SYT13: variants seen among roughly 807,000 people sequenced by gnomAD.
SYT13 encodes the protein synaptotagmin-13.
A neutral mutation model predicts 38.6 loss-of-function variants in SYT13; 21 were observed. The observed-to-expected ratio is 0.54, with a 90% CI of 0.39 to 0.78. The LOEUF (loss-of-function observed/expected upper bound fraction) is 0.78. Among genes scored for constraint, SYT13 ranks in the 30% least tolerant of loss-of-function variants. SYT13 has a pLI of 0.00. For missense variants in SYT13, 495 were observed against 548.7 expected (o/e 0.90, Z 0.98); for synonymous variants, 241 against 237.6 (o/e 1.01, Z -0.13).
chr11:45,285,953 C>G lies in SYT13; in HGVS notation c.183+72G>C, dbSNP rs1855129735. ...CAAAGATCCACGACCGCCTCCCACC[C>G]CAGTTCCCCCTCTGCAGCTGCCCGG... On this transcript the variant is annotated intron_variant, in intron 1 of 5. Transcript: ENST00000020926. 4 of 1,550,376 alleles carry G rather than the reference C, an allele frequency of 2.6e-6. No individual in the cohort carries two copies. In the East Asian group the frequency reaches 7.0e-5, roughly 27 times the overall value.
At chr11:45,281,779 G>A (rs1306889771) in intron 1 of SYT13, among the ~76,000 whole-genome samples, 1 of 152,206 alleles carries the variant, frequency 6.6e-6, no homozygotes, top group East Asian at 1.9e-4. Flanking sequence ...TCACCCAGGG[G>A]ACCTCTCTGG....
chr11:45,272,418 G>A (rs755410375), intron 1 of SYT13, among the ~76,000 whole-genome samples: 5 of 152,152 alleles, frequency 3.3e-5, no homozygotes, highest in Non-Finnish European at 7.3e-5. Context: ...CCATGTTTGG[G>A]CGACAAAGTG....
chr11:45,263,032 T>C (rs912921615), intron 1 of SYT13, among the ~76,000 whole-genome samples: 10 of 152,116 alleles, frequency 6.6e-5, no homozygotes, highest in Admixed American at 5.2e-4. Flanking sequence ...AATGCCCCTG[T>C]GCTTGTCCTC....
intron 4 of SYT13, 21 bp from the exon 5 acceptor site, chr11:45,246,533 C>A: frequency 6.2e-7 from 1 of 1,612,478 alleles, no homozygotes; most frequent in Non-Finnish European, 8.5e-7. Context: ...AAAGGAGATG[C>A]AGGAGGGGAG....
chr11:45,270,177 G>A (rs191507015), intron 1 of SYT13, among the ~76,000 whole-genome samples: 2 of 152,174 alleles, frequency 1.3e-5, no homozygotes, highest in Admixed American at 1.3e-4. Flanking sequence ...TGGTTTACTA[G>A]GGGCTCACAT....
chr11:45,272,025 A>G (rs914606280), intron 1 of SYT13, among the ~76,000 whole-genome samples: 2 of 152,200 alleles, frequency 1.3e-5, no homozygotes, highest in Non-Finnish European at 2.9e-5. Flanking sequence ...TAAAAAAGGA[A>G]TGAGATCATG....
chr11:45,246,334 A>G lies in SYT13; in HGVS notation c.976+49T>C, dbSNP rs368457509. ...CCAGGCACCACCTCCCTCAGCACAC[A>G]CTCCCGGTAGCTGGAGGGGCCTTGG... On this transcript the variant is annotated intron_variant, in intron 5 of 5. Coordinates refer to ENST00000020926, the MANE Select transcript of SYT13 (RefSeq NM_020826.3). 34 of 1,600,580 alleles carry G rather than the reference A, an allele frequency of 2.1e-5. No individual in the cohort carries two copies. In the East Asian group the frequency reaches 2.5e-4, roughly 12 times the overall value.
intron 4 of SYT13, among the ~76,000 whole-genome samples, 159 bp from the exon 5 acceptor site, chr11:45,246,671 G>A (rs1205571576): frequency 6.6e-6 from 1 of 152,186 alleles, no homozygotes; most frequent in Non-Finnish European, 1.5e-5. Context: ...TTGCAGAAGA[G>A]AGCAAGGCAC....
Position 45,286,043 on chromosome 11 carries a change from C to T in SYT13, c.165G>A (p.Leu55=), listed in dbSNP as rs1432626745. The T allele has an allele frequency of 1.2e-6, 2 of 1,608,784 alleles. No homozygotes were observed. The highest frequency in any genetic ancestry group is 2.7e-5 in the African/African-American group (2 of 74,934). ...DPDLEKAKPS[L]LGSAQQFNVK... ...CGCTCACCTGTTGTGCAGACCCGAG[C>T]AAGCTGGGCTTCGCCTTCTCCAGGT... Residue 55 remains leucine, a synonymous_variant, in exon 1 of 6, where the codon TTG becomes TTA. Transcript: ENST00000020926.
chr11:45,286,272 T>C lies in SYT13; in HGVS notation c.-65A>G. The C allele has an allele frequency of 6.9e-7, 1 of 1,446,760 alleles. No homozygotes were observed. 89.6% of individuals were successfully genotyped at this position (1,446,760 alleles called of 1,614,324 possible). A position where few individuals can be genotyped will look rare whatever the true frequency, so the allele number is the denominator to read the frequency against. On this transcript the variant is annotated 5_prime_UTR_variant, in exon 1 of 6. Coordinates refer to ENST00000020926, the MANE Select transcript of SYT13 (RefSeq NM_020826.3). ...TCACCTTCCCCGGGCCGGGCCCGCC[T>C]CCAGGCAGCTCCCGGGATCCGGGCG...
chr11:45,255,438 G>A (rs1384563301), intron 2 of SYT13, among the ~76,000 whole-genome samples: 1 of 152,176 alleles, frequency 6.6e-6, no homozygotes, highest in South Asian at 2.1e-4. Flanking sequence ...ACTAGAAAGG[G>A]ACTCCATTTT....
At chr11:45,277,537 C>T (rs1030137585) in intron 1 of SYT13, among the ~76,000 whole-genome samples, 1 of 152,130 alleles carries the variant, frequency 6.6e-6, no homozygotes, top group Admixed American at 6.5e-5. Context: ...CATCCAGGCC[C>T]CTTCCTATTT....
intron 2 of SYT13, 146 bp downstream of exon 2, chr11:45,255,520 C>T (rs1475255656): frequency 4.2e-6 from 3 of 716,922 alleles, no homozygotes; most frequent in African/African-American, 3.6e-5. Flanking sequence ...GACCATAATT[C>T]TGAGGCCCAG....
chr11:45,252,509 C>T lies in SYT13; in HGVS notation c.758G>A (p.Ser253Asn). The change falls in exon 4 of 6, where the codon AGC becomes AAC. Residue 253 changes from serine (S) to asparagine (N), a missense_variant. Ser to Asn is a conservative substitution (Grantham distance 46). Transcript: ENST00000020926. The surrounding 1 kb of genome is among the most constrained non-coding windows in gnomAD (Gnocchi z 4.3). The part of the protein sequence containing the change: ...LRTCDRFSRH[S>N]VAGELRLGLD... ...GCCCAGGCGGAGCTCCCCGGCCACGCTGTGACGGGAGAAGCGGTCGCAGGT... is the reference window on the plus strand; with the variant it reads ...GCCCAGGCGGAGCTCCCCGGCCACGTTGTGACGGGAGAAGCGGTCGCAGGT... The T allele has an allele frequency of 6.2e-7, 1 of 1,614,002 alleles. No homozygotes were observed. The highest frequency in any genetic ancestry group is 1.1e-5 in the South Asian group (1 of 91,078).
Position 45,286,338 on chromosome 11 carries a change from G to T in SYT13, c.-131C>A. 1.8e-6 allele frequency: 2 copies of T among 1,139,382 alleles called. No homozygotes were observed. The highest frequency in any genetic ancestry group is 3.3e-5 in the South Asian group (2 of 60,092). The allele number at this position is 1,139,382 out of a possible 1,614,324, so 70.6% of individuals were successfully genotyped here. On this transcript the variant is annotated 5_prime_UTR_variant, in exon 1 of 6. Transcript: ENST00000020926. ...CGCCGCCAGAGGGGCGGGGACGGAG[G>T]GAGGGAGGACGGCTGCGAGGACGTC...
In SYT13 at chr11:45,246,528, A is replaced by G. The variant is rs567173980; in HGVS notation, c.847-16T>C. The G allele has an allele frequency of 1.9e-6, 3 of 1,613,254 alleles. No individual in the cohort carries two copies. In the East Asian group the frequency reaches 6.7e-5, roughly 36 times the overall value. Reference sequence around the variant, plus strand: ...CAGATGGCTCCTGAAACAGAAAAGGAGATGCAGGAGGGGAGTCTCACCTGG... The same window carrying G: ...CAGATGGCTCCTGAAACAGAAAAGGGGATGCAGGAGGGGAGTCTCACCTGG... On this transcript the variant is annotated splice_polypyrimidine_tract_variant and intron_variant, in intron 4 of 5. Transcript: ENST00000020926.
intron 1 of SYT13, among the ~76,000 whole-genome samples, chr11:45,260,884 C>A (rs911958539): frequency 6.6e-6 from 1 of 152,182 alleles, no homozygotes; most frequent in African/African-American, 2.4e-5. Context: ...TCACACTGGG[C>A]TCAAGCCATG....
chr11:45,262,553 C>T (rs1183537340), intron 1 of SYT13, among the ~76,000 whole-genome samples: 1 of 151,982 alleles, frequency 6.6e-6, no homozygotes, highest in African/African-American at 2.4e-5. Flanking sequence ...TAGTGAGACC[C>T]CATTTCTACA....
rs985173464 is a variant in SYT13, at chr11:45,243,497, C to T, written c.*555G>A. ...AAAAGGAAGGCTCCTGGGCTTCGAC[C>T]AGGAATACCGACTAGGAATGTCTCC... On this transcript the variant is annotated 3_prime_UTR_variant, in exon 6 of 6. Transcript: ENST00000020926. 28 of 152,410 alleles carry T rather than the reference C, an allele frequency of 1.8e-4. No homozygotes were observed. Among genetic ancestry groups the T allele is most frequent in the African/African-American group, 6.8e-4 (28 of 41,428 alleles). 9.4% of individuals were successfully genotyped at this position (152,410 alleles called of 1,614,324 possible). A position where few individuals can be genotyped will look rare whatever the true frequency, so the allele number is the denominator to read the frequency against.
Sources: gnomAD v4.1 joint callset for allele counts (sites outside exome capture counted in the v4.1 genomes callset) on GRCh38, gnomAD v4.1.1 for gene constraint, Gnocchi (gnomAD v3.1) non-coding constraint, MANE v1.5 for transcripts, NCBI Gene and HGNC (gene_info 2026-07-23, HGNC 2026-07-21) for gene names.